SLIT3: variants seen among roughly 807,000 people sequenced by gnomAD.
The protein encoded by SLIT3 is slit homolog 3 protein.
A neutral mutation model predicts 184.0 loss-of-function variants in SLIT3; 68 were observed. The observed-to-expected ratio is 0.37, with a 90% CI of 0.30 to 0.45. The LOEUF is 0.45. Among genes scored for constraint, SLIT3 ranks in the 20% least tolerant of loss-of-function variants. The probability of loss-of-function intolerance (pLI) is 1.00; values close to 1 mark genes in which losing one functional copy is unlikely to be tolerated. For synonymous variants in SLIT3, 831 were observed against 828.6 expected, an observed-to-expected ratio of 1.00 and a Z score of -0.05; for missense variants, 1,707 against 2,026.0, an observed-to-expected ratio of 0.84 and a Z score of 3.02.
At chr5:168,802,381 C>T (rs1275741547) in intron 9 of SLIT3, among the ~76,000 whole-genome samples, 1 of 152,098 alleles carries the variant, frequency 6.6e-6, no homozygotes, top group Non-Finnish European at 1.5e-5. Flanking sequence ...TCTTACATGT[C>T]ACCTCTCGAA....
chr5:168,722,841 A>C, intron 22 of SLIT3, 92 bp downstream of exon 22: 3 of 963,356 alleles, frequency 3.1e-6, no homozygotes, highest in African/African-American at 1.6e-5. Context: ...TCATTAGGGC[A>C]GAGAAACTAG....
At chr5:168,752,398 T>A (rs1326118404) in intron 18 of SLIT3, 2 of 149,898 alleles carry the variant, frequency 1.3e-5, no homozygotes, top group Non-Finnish European at 2.9e-5. Context: ...GTTTTTTTTT[T>A]TTTTTTTTTT....
intron 4 of SLIT3, chr5:169,024,352 T>A (rs902927670): frequency 6.6e-6 from 1 of 152,164 alleles, no homozygotes. Context: ...CTTCATCCAA[T>A]ATACTACCCT....
chr5:168,875,053 A>G (rs529382864), intron 5 of SLIT3, among the ~76,000 whole-genome samples: 2 of 144,048 alleles, frequency 1.4e-5, no homozygotes, highest in South Asian at 4.3e-4. Flanking sequence ...GGAAGAGTGG[A>G]AGAAAGGAAG....
At chr5:169,041,467 G>A (rs1483836480) in intron 4 of SLIT3, among the ~76,000 whole-genome samples, 1 of 152,196 alleles carries the variant, frequency 6.6e-6, no homozygotes, top group Non-Finnish European at 1.5e-5. Context: ...GAGGGAGACA[G>A]CAGGGAGGGC....
intron 4 of SLIT3, among the ~76,000 whole-genome samples, chr5:168,928,214 C>T (rs181731495): frequency 2.0e-5 from 3 of 152,168 alleles, no homozygotes; most frequent in South Asian, 2.1e-4. Flanking sequence ...ATACTCTTCC[C>T]TTTAAAATTG....
intron 4 of SLIT3, among the ~76,000 whole-genome samples, chr5:168,938,743 G>A (rs570011407): frequency 4.6e-5 from 7 of 152,144 alleles, no homozygotes; most frequent in East Asian, 3.9e-4. Context: ...CGATTCTCCC[G>A]CCTCAGCCTC....
chr5:168,956,136 T>C (rs1762815897), intron 4 of SLIT3, among the ~76,000 whole-genome samples: 1 of 152,200 alleles, frequency 6.6e-6, no homozygotes, highest in African/African-American at 2.4e-5. Context: ...AGCAATAAAC[T>C]TTCCCAGAGA....
At chr5:169,040,863 G>A (rs982024877) in intron 4 of SLIT3, among the ~76,000 whole-genome samples, 1 of 152,204 alleles carries the variant, frequency 6.6e-6, no homozygotes, top group African/African-American at 2.4e-5. Flanking sequence ...CCCATAAACA[G>A]CGGCAATCTT....
chr5:168,949,301 T>C (rs1411535932), intron 4 of SLIT3, among the ~76,000 whole-genome samples: 2 of 152,180 alleles, frequency 1.3e-5, no homozygotes. Context: ...TTCAGCGTCT[T>C]TGCAGACAGT....
intron 26 of SLIT3, among the ~76,000 whole-genome samples, chr5:168,701,101 G>A (rs1274167399): frequency 6.6e-6 from 1 of 152,222 alleles, no homozygotes; most frequent in South Asian, 2.1e-4. Context: ...TCACAGGGTT[G>A]CTATGAGAAT....
At chr5:168,941,413 A>G (rs1762329605) in intron 4 of SLIT3, among the ~76,000 whole-genome samples, 1 of 152,082 alleles carries the variant, frequency 6.6e-6, no homozygotes. Context: ...AAAACATACT[A>G]TTTCATAGGG....
intron 10 of SLIT3, chr5:168,790,386 G>C (rs1048057008): frequency 1.3e-5 from 2 of 152,278 alleles, no homozygotes; most frequent in Non-Finnish European, 2.9e-5. Context: ...GTCTGGGGCA[G>C]CTAACCAGGC....
intron 4 of SLIT3, among the ~76,000 whole-genome samples, chr5:168,998,753 C>T (rs1226155943): frequency 6.6e-6 from 1 of 151,248 alleles, no homozygotes; most frequent in East Asian, 1.9e-4. Context: ...GGCCATTGAA[C>T]AGGGTGAAAA....
chr5:168,698,726 C>A (rs999075064), intron 27 of SLIT3, among the ~76,000 whole-genome samples: 1 of 152,122 alleles, frequency 6.6e-6, no homozygotes, highest in Non-Finnish European at 1.5e-5. Context: ...GGTGCTGGCC[C>A]GATGCAGAAG....
intron 4 of SLIT3, among the ~76,000 whole-genome samples, chr5:169,173,724 C>T (rs940521234): frequency 1.3e-5 from 2 of 152,220 alleles, no homozygotes; most frequent in African/African-American, 4.8e-5. Context: ...AATTAAATTG[C>T]ATGGCACTCT....
intron 4 of SLIT3, among the ~76,000 whole-genome samples, chr5:169,174,835 G>A (rs10069069): frequency 0.037 from 5,580 of 151,866 alleles, 354 homozygotes; most frequent in African/African-American, 0.13. Context: ...ATCTCTCTCC[G>A]CTCTTTATCC....
rs531795043 is a variant in SLIT3, at chr5:168,998,264, G to A, written c.414-114928C>T. 5.9e-5 allele frequency among the ~76,000 whole-genome samples: 9 copies of A among 152,266 alleles called. No individual in the cohort carries two copies. In the South Asian group the frequency reaches 1.9e-3, roughly 32 times the overall value. ...CTTGTTTCTTTTCAGCTATAGAAAG[G>A]ACAACCAGCACCACCTCCAAAATGC... On this transcript the variant is annotated intron_variant, in intron 4 of 35. Transcript: ENST00000519560.
chr5:168,983,283 C>T lies in SLIT3; in HGVS notation c.414-99947G>A, dbSNP rs570917443. On this transcript the variant is annotated intron_variant, in intron 4 of 35. Coordinates refer to ENST00000519560, the MANE Select transcript of SLIT3 (RefSeq NM_003062.4). ...TGTAGAGATCTCACAAGCTTTATCC[C>T]CCAGGTAAACTCCCCAAGATCACCT... Among the ~76,000 whole-genome samples the T allele has an allele frequency of 2.0e-5, 3 of 152,302 alleles. No homozygotes were observed. The South Asian group carries it at 6.2e-4, about 32-fold the overall frequency.
Sources: allele counts gnomAD v4.1 joint callset (sites outside exome capture counted in the v4.1 genomes callset), GRCh38; gene constraint gnomAD v4.1.1; transcripts MANE v1.5; gene names NCBI Gene and HGNC (gene_info 2026-07-23, HGNC 2026-07-21).